HADH: variants seen among roughly 807,000 people sequenced by gnomAD.
The protein encoded by HADH is hydroxyacyl-coenzyme A dehydrogenase, mitochondrial.
A neutral mutation model predicts 32.2 loss-of-function variants in HADH; 24 were observed. The ratio of observed to expected loss-of-function variants is 0.75; its 90% CI spans 0.54 to 1.05. HADH has a LOEUF of 1.05. Ranked by LOEUF, HADH falls within the 50% of genes least tolerant of loss-of-function variation. The pLI is 0.00. For missense variants in HADH, 350 were observed against 397.1 expected (o/e 0.88, Z 1.01); for synonymous variants, 139 against 152.5 (o/e 0.91, Z 0.65).
At chr4:108,001,259 T>A (rs1735112185) in intron 1 of HADH, among the ~76,000 whole-genome samples, 1 of 152,098 alleles carries the variant, frequency 6.6e-6, no homozygotes, top group Non-Finnish European at 1.5e-5. Flanking sequence ...GATTTTAGGG[T>A]CAAGGTGATA....
At chr4:108,005,838 G>T (rs1250721109) in intron 1 of HADH, among the ~76,000 whole-genome samples, 1 of 152,138 alleles carries the variant, frequency 6.6e-6, no homozygotes, top group Non-Finnish European at 1.5e-5. Flanking sequence ...GTCTTTCACG[G>T]AATTTCTTCT....
chr4:107,997,573 T>C (rs927684722), intron 1 of HADH, among the ~76,000 whole-genome samples: 3 of 152,084 alleles, frequency 2.0e-5, no homozygotes, highest in Non-Finnish European at 2.9e-5. Flanking sequence ...GAAGCAGCCG[T>C]GTCTAAAAAT....
At chr4:108,001,240 A>G (rs1735111699) in intron 1 of HADH, among the ~76,000 whole-genome samples, 2 of 152,348 alleles carry the variant, frequency 1.3e-5, no homozygotes, top group South Asian at 4.1e-4. Context: ...ATGAAGGCCA[A>G]GGAGAATTGA....
intron 1 of HADH, chr4:108,004,969 T>C (rs1484504061): frequency 9.7e-6 from 13 of 1,345,332 alleles, no homozygotes; most frequent in Non-Finnish European, 1.3e-5. Flanking sequence ...CTAAAAGGAA[T>C]GTTAAACGAA....
At chr4:108,025,314 G>A (rs1225571567) in intron 5 of HADH, 3 of 152,124 alleles carry the variant, frequency 2.0e-5, no homozygotes, top group Non-Finnish European at 4.4e-5. Flanking sequence ...TTAAGGGTAT[G>A]AACTAGCCCA....
intron 1 of HADH, among the ~76,000 whole-genome samples, chr4:108,000,484 G>C (rs917791231): frequency 5.8e-4 from 89 of 152,254 alleles, no homozygotes; most frequent in African/African-American, 2.1e-3. Flanking sequence ...TTATTTCTCT[G>C]TTCTGTTCAC....
At chr4:107,997,459 T>G (rs1734988635) in intron 1 of HADH, among the ~76,000 whole-genome samples, 1 of 152,096 alleles carries the variant, frequency 6.6e-6, no homozygotes, top group South Asian at 2.1e-4. Context: ...CAAAGATAAA[T>G]AAATCCAGTG....
intron 6 of HADH, chr4:108,029,133 A>T: frequency 2.7e-6 from 1 of 371,992 alleles, no homozygotes; most frequent in Non-Finnish European, 4.8e-6. Flanking sequence ...CCTACTGCAC[A>T]CTACAGTCAC....
chr4:107,998,140 A>G (rs902680944), intron 1 of HADH, among the ~76,000 whole-genome samples: 1 of 152,200 alleles, frequency 6.6e-6, no homozygotes, highest in Non-Finnish European at 1.5e-5. Flanking sequence ...TCAGGAGCCT[A>G]CAGTAGAGGA....
chr4:108,023,973 A>G (rs570102952), intron 5 of HADH: 21 of 170,520 alleles, frequency 1.2e-4, no homozygotes, highest in Middle Eastern at 2.9e-3. Flanking sequence ...GGTGAAATAA[A>G]TGATAAGACA....
At chr4:107,993,275 C>G (rs1385175867) in intron 1 of HADH, among the ~76,000 whole-genome samples, 4 of 152,144 alleles carry the variant, frequency 2.6e-5, no homozygotes, top group Non-Finnish European at 4.4e-5. Context: ...TTTCATCTTG[C>G]TTAATCTTGA....
At chr4:107,992,838 G>A (rs535959126) in intron 1 of HADH, among the ~76,000 whole-genome samples, 38 of 152,226 alleles carry the variant, frequency 2.5e-4, no homozygotes, top group Admixed American at 1.2e-3. Context: ...TCTTCGGCCC[G>A]GCATGGTGGC....
intron 2 of HADH, among the ~76,000 whole-genome samples, chr4:108,011,424 G>T (rs1432803546): frequency 1.3e-5 from 2 of 152,206 alleles, no homozygotes; most frequent in Non-Finnish European, 2.9e-5. Context: ...GGGAGAGCAT[G>T]TGCAGGGGAA....
intron 4 of HADH, among the ~76,000 whole-genome samples, chr4:108,021,417 TTTTA>T (rs1735880979): frequency 6.6e-6 from 1 of 152,222 alleles, no homozygotes; most frequent in African/African-American, 2.4e-5. Flanking sequence ...TCTATTCAGT[TTTTA>T]TTGTTTAACT....
rs370213579 is a variant in HADH, at chr4:108,011,019, TTG to T, written c.261+1134_261+1135del. Among the ~76,000 whole-genome samples, 14 of 152,140 alleles carry T rather than the reference TTG, an allele frequency of 9.2e-5. No homozygotes were observed. The East Asian group carries it at 1.9e-3, about 21-fold the overall frequency. ...GCACGCCACCACGTCCAGCTAATTT[TTG>T]TAGTTTTAGTAGAGATGGGGTTTCA... On this transcript the variant is annotated intron_variant, in intron 2 of 7. Transcript: ENST00000309522.
chr4:107,989,905 T>C lies in HADH; in HGVS notation c.-28T>C. On this transcript the variant is annotated 5_prime_UTR_variant, in exon 1 of 8. Transcript: ENST00000309522. ...CTCGCGCGTCTTCCCTGCCCGGGTC[T>C]CCTCGCTGTCGCCGCCGCTGCCACA... 1 of 1,608,102 alleles carries C rather than the reference T, an allele frequency of 6.2e-7. No individual in the cohort carries two copies. Among genetic ancestry groups the C allele is most frequent in the Non-Finnish European group, 8.5e-7 (1 of 1,178,270 alleles).
At chr4:108,013,693 C>T (rs1165325752) in intron 2 of HADH, among the ~76,000 whole-genome samples, 2 of 151,988 alleles carry the variant, frequency 1.3e-5, no homozygotes, top group East Asian at 1.9e-4. Flanking sequence ...GTAAAATAGA[C>T]ACTAGATTTT....
chr4:108,008,228 G>C (rs1178978591), intron 1 of HADH, among the ~76,000 whole-genome samples: 1 of 152,188 alleles, frequency 6.6e-6, no homozygotes, highest in African/African-American at 2.4e-5. Flanking sequence ...CTGGTTTCCT[G>C]CTTGCCTCTG....
chr4:107,992,688 C>T (rs1578240270), intron 1 of HADH, among the ~76,000 whole-genome samples: 1 of 152,156 alleles, frequency 6.6e-6, no homozygotes, highest in Non-Finnish European at 1.5e-5. Flanking sequence ...GTACTGGCCT[C>T]GTAGGGAGAG....
Sources: gnomAD v4.1 joint callset for allele counts (sites outside exome capture counted in the v4.1 genomes callset) on GRCh38, gnomAD v4.1.1 for gene constraint, MANE v1.5 for transcripts, NCBI Gene and HGNC (gene_info 2026-07-23, HGNC 2026-07-21) for gene names.